The following KIF14 variants were observed in gnomAD, a reference collection of about 807,000 sequenced individuals.
The protein encoded by KIF14 is kinesin family member 14, also known as kinesin-like protein KIF14.
In KIF14, 98 loss-of-function variants were observed where a neutral mutation model predicts 176.2. The observed-to-expected ratio is 0.56, with a 90% CI of 0.47 to 0.66. The LOEUF (loss-of-function observed/expected upper bound fraction) is 0.66, where lower values mean the gene tolerates loss of function less well. Ranked by LOEUF, KIF14 falls within the 30% of genes least tolerant of loss-of-function variation. KIF14 has a pLI of 0.00. For missense variants in KIF14, 1,751 were observed against 1,920.4 expected, an observed-to-expected ratio of 0.91 and a Z score of 1.65; for synonymous variants, 566 against 632.2, an observed-to-expected ratio of 0.90 and a Z score of 1.57.
Position 200,590,283 on chromosome 1 carries a change from G to A in KIF14, c.2814-11C>T, listed in dbSNP as rs1310097682. 1 of 1,608,408 alleles carries A rather than the reference G, an allele frequency of 6.2e-7. No individual in the cohort carries two copies. Among genetic ancestry groups the A allele is most frequent in the Non-Finnish European group, 8.5e-7 (1 of 1,177,762 alleles). On this transcript the variant is annotated splice_polypyrimidine_tract_variant and intron_variant, in intron 16 of 29. Coordinates refer to ENST00000367350, the MANE Select transcript of KIF14 (RefSeq NM_014875.3). ...ATTTCTGCTTCAAGTCTACAATGTA[G>A]CAAGATGTTTATAGGGTACATGTTA...
In KIF14 at chr1:200,589,276, C is replaced by T. The variant is rs754153214; in HGVS notation, c.3055G>A (p.Glu1019Lys). The T allele has an allele frequency of 1.4e-4, 227 of 1,611,754 alleles. No homozygotes were observed. The highest frequency in any genetic ancestry group is 1.8e-4 in the Non-Finnish European group (217 of 1,178,518). ...EELEKAKQHL[E>K]QEIYVNKKRL... is the part of the protein sequence containing the mutation. ...TTTTTGTTGACATATATTTCCTGTTCAAGATGCTGCTTTGCCTTTTCTAAT... is the reference window on the plus strand; with the variant it reads ...TTTTTGTTGACATATATTTCCTGTTTAAGATGCTGCTTTGCCTTTTCTAAT... Residue 1019 changes from glutamate (E) to lysine (K), a missense_variant, in exon 18 of 30, where the codon GAA becomes AAA. Glu to Lys is a moderately conservative substitution (Grantham distance 56, BLOSUM62 1). Coordinates refer to ENST00000367350, the MANE Select transcript of KIF14 (RefSeq NM_014875.3).
chr1:200,588,485 C>T (rs559345616), intron 18 of KIF14, among the ~76,000 whole-genome samples: 36 of 152,138 alleles, frequency 2.4e-4, no homozygotes, highest in Non-Finnish European at 4.3e-4. Flanking sequence ...GTAATCCACC[C>T]GCCTCAGCCT....
At chr1:200,596,862 C>G (rs928066528) in intron 14 of KIF14, among the ~76,000 whole-genome samples, 1 of 149,186 alleles carries the variant, frequency 6.7e-6, no homozygotes, top group Non-Finnish European at 1.5e-5. Context: ...CCGCACCTGG[C>G]CAGAACACTC....
chr1:200,619,509 T>C (rs933782518), intron 1 of KIF14, among the ~76,000 whole-genome samples: 7 of 152,004 alleles, frequency 4.6e-5, no homozygotes, highest in Non-Finnish European at 8.8e-5. Context: ...CCCACCACCA[T>C]GCCCAGCTAA....
In KIF14 at chr1:200,615,517, A is replaced by T; in HGVS notation, c.1205T>A (p.Ile402Asn). 1 of 1,614,038 alleles carries T rather than the reference A, an allele frequency of 6.2e-7. No homozygotes were observed. ...AAAAGACCAGAATGAAACATCATAA[A>T]TAAAATTATAAACTTGTTTCGTGTC... is the stretch of plus-strand genomic sequence containing the variant. ...HPDTKQVYNFIYDVSFWSFDE... is the reference protein window; with the variant it reads ...HPDTKQVYNFNYDVSFWSFDE... The change falls in exon 3 of 30, where the codon ATT becomes AAT. Residue 402 changes from isoleucine to asparagine, a missense_variant. Coordinates refer to ENST00000367350, the MANE Select transcript of KIF14 (RefSeq NM_014875.3).
Position 200,559,439 on chromosome 1 carries a change from T to G in KIF14, c.4244A>C (p.Asp1415Ala). 6.6e-7 allele frequency: 1 copy of G among 1,512,678 alleles called. No individual in the cohort carries two copies. The highest frequency in any genetic ancestry group is 8.8e-7 in the Non-Finnish European group (1 of 1,132,226). 93.7% of individuals were successfully genotyped at this position (1,512,678 alleles called of 1,614,324 possible). ...TAAGCCTACACCATCACAAACAGCATCCATGAATTCCTCCTAGAAAAAGAA... is the reference window on the plus strand; with the variant it reads ...TAAGCCTACACCATCACAAACAGCAGCCATGAATTCCTCCTAGAAAAAGAA... ...KAASVQEEFM[D>A]AVCDGVGLGM... The change falls in exon 27 of 30, where the codon GAT becomes GCT. Residue 1415 changes from aspartate (D) to alanine (A), a missense_variant. Physicochemically the swap from Asp to Ala is moderately radical, Grantham distance 126. Transcript: ENST00000367350.
chr1:200,589,421 GTACAAAAGTCCCTTTC>G, intron 17 of KIF14, 52 bp from the exon 18 acceptor site: 1 of 1,456,772 alleles, frequency 6.9e-7, no homozygotes, highest in South Asian at 1.3e-5. Context: ...TAGCAAAAAA[GTACAAAAGTCCCTTTC>G]TTTAACCAAT....
At chr1:200,569,418 A>C (rs534723940) in intron 23 of KIF14, among the ~76,000 whole-genome samples, 2 of 152,320 alleles carry the variant, frequency 1.3e-5, no homozygotes. Flanking sequence ...ATCATTATGC[A>C]AAATTCAGAA....
chr1:200,553,830 C>CT, intron 29 of KIF14, 63 bp from the exon 30 acceptor site: 1 of 1,431,146 alleles, frequency 7.0e-7, no homozygotes, highest in Non-Finnish European at 9.5e-7. Flanking sequence ...GTATTTATGA[C>CT]TTTTATAGAC....
intron 27 of KIF14, among the ~76,000 whole-genome samples, chr1:200,555,807 G>A (rs1171927324): frequency 6.6e-6 from 1 of 151,808 alleles, no homozygotes; most frequent in Non-Finnish European, 1.5e-5. Context: ...CTATTTACCT[G>A]TGACATGGGA....
chr1:200,573,080 A>G (rs1365395531), intron 22 of KIF14, among the ~76,000 whole-genome samples: 1 of 152,182 alleles, frequency 6.6e-6, no homozygotes, highest in African/African-American at 2.4e-5. Context: ...CCGTAATAGG[A>G]GCTTTATATG....
chr1:200,558,828 A>C (rs758252800), intron 27 of KIF14, among the ~76,000 whole-genome samples: 1 of 152,196 alleles, frequency 6.6e-6, no homozygotes, highest in Non-Finnish European at 1.5e-5. Flanking sequence ...CTAAGGTACT[A>C]AGTAATGTTA....
chr1:200,579,790 A>G (rs1158816448), intron 21 of KIF14, among the ~76,000 whole-genome samples: 3 of 152,118 alleles, frequency 2.0e-5, no homozygotes, highest in Non-Finnish European at 4.4e-5. Flanking sequence ...ATGTGCAGAG[A>G]TTTTTCAGTT....
intron 23 of KIF14, among the ~76,000 whole-genome samples, chr1:200,567,623 C>T (rs1657542165): frequency 6.6e-6 from 1 of 151,424 alleles, no homozygotes; most frequent in Admixed American, 6.6e-5. Flanking sequence ...ACTGTCTAAA[C>T]CAGAAATAAA....
intron 4 of KIF14, among the ~76,000 whole-genome samples, chr1:200,613,252 A>G (rs1660247086): frequency 6.6e-6 from 1 of 152,174 alleles, no homozygotes; most frequent in African/African-American, 2.4e-5. Flanking sequence ...TGAACAATTT[A>G]TAGATTCCCA....
Position 200,618,281 on chromosome 1 carries a change from C to T in KIF14, c.443G>A (p.Gly148Glu). 6.2e-7 allele frequency: 1 copy of T among 1,613,756 alleles called. No individual in the cohort carries two copies. Among genetic ancestry groups the T allele is most frequent in the East Asian group, 2.2e-5 (1 of 44,880 alleles). The change falls in exon 2 of 30, where the codon GGA (glycine) becomes GAA (glutamate). Residue 148 changes from glycine to glutamate, a missense_variant. Transcript: ENST00000367350. ...AACACCATTATTTTCTGTTTCACCT[C>T]CCACATTCAGTGTCATTTTGACAGA... ...IDSVKMTLNV[G>E]GETENNGVSK...
chr1:200,611,740 T>C (rs1660165145), intron 4 of KIF14, among the ~76,000 whole-genome samples: 1 of 152,210 alleles, frequency 6.6e-6, no homozygotes. Flanking sequence ...TATTATTCTC[T>C]ACCATCCTGG....
intron 8 of KIF14, among the ~76,000 whole-genome samples, chr1:200,604,537 T>C (rs1478475863): frequency 6.6e-6 from 1 of 151,950 alleles, no homozygotes; most frequent in African/African-American, 2.4e-5. Flanking sequence ...TAACAATAAA[T>C]AAAGAAAAAG....
At position 200,586,124 on chromosome 1, in the gene KIF14, T is replaced by C; in HGVS notation, c.3218A>G (p.Asn1073Ser). ...ACCTGTAAAAGTTTTATCCCTATTA[T>C]TCCGATTCTGCTGTAGAATTTGTAC... The part of the protein sequence containing the change: ...KEVQILQQNR[N>S]NRDKTFTVQT... The change falls in exon 19 of 30, where the codon AAT becomes AGT. Residue 1073 changes from asparagine (N) to serine (S), a missense_variant. Asn to Ser is a conservative substitution (Grantham distance 46). Transcript: ENST00000367350. The C allele has an allele frequency of 1.3e-6, 2 of 1,589,856 alleles. No homozygotes were observed. Among genetic ancestry groups the C allele is most frequent in the Admixed American group, 3.4e-5 (2 of 58,474 alleles).
Sources: gnomAD v4.1 joint callset for allele counts (sites outside exome capture counted in the v4.1 genomes callset) on GRCh38, gnomAD v4.1.1 for gene constraint, MANE v1.5 for transcripts, NCBI Gene and HGNC (gene_info 2026-07-23, HGNC 2026-07-21) for gene names.